The following HIP1 variants were observed in gnomAD, a reference collection of about 807,000 sequenced individuals.
The protein encoded by HIP1 is huntingtin-interacting protein 1.
Under a neutral mutation model 147.6 loss-of-function variants are expected in HIP1, and 65 were observed. That is an observed-to-expected ratio of 0.44 (90% CI 0.36 to 0.54). HIP1 has a LOEUF of 0.54. Ranked by LOEUF, HIP1 falls within the 20% of genes least tolerant of loss-of-function variation. HIP1 has a pLI of 0.00. For synonymous variants in HIP1, 479 were observed against 504.0 expected (o/e 0.95, Z 0.67); for missense variants, 1,061 against 1,299.6 (o/e 0.82, Z 2.82).
intron 1 of HIP1, among the ~76,000 whole-genome samples, chr7:75,684,235 T>G (rs1315502702): frequency 1.3e-5 from 2 of 151,622 alleles, no homozygotes; most frequent in African/African-American, 4.8e-5. Flanking sequence ...TCGCCGGAGC[T>G]TAGGAGTTTG....
intron 4 of HIP1, among the ~76,000 whole-genome samples, chr7:75,589,683 CAAAAAAAAAAA>C (rs1159535613): frequency 2.1e-3 from 102 of 49,630 alleles, no homozygotes; most frequent in East Asian, 3.6e-3. Flanking sequence ...ACTCTGTCTC[CAAAAAAAAAAA>C]AAAAAAAAAA....
Position 75,554,449 on chromosome 7 carries a change from A to C in HIP1, c.2041T>G (p.Cys681Gly), listed in dbSNP as rs1269169693. Residue 681 changes from cysteine to glycine, a missense_variant, in exon 20 of 31, where the codon TGC becomes GGC. Physicochemically the swap from Cys to Gly is radical, Grantham distance 159. Transcript: ENST00000336926. ...CCTTGGCCATTCTTACCTTCTGGGC[A>C]GGCCAGATACTGGCTCCAGCTTTTC... ...LEKSWSQYLA[C>G]PEDISGLLHS... 6 of 1,613,394 alleles carry C rather than the reference A, an allele frequency of 3.7e-6. No individual in the cohort carries two copies. Among genetic ancestry groups the C allele is most frequent in the Admixed American group, 1.7e-5 (1 of 59,994 alleles).
intron 28 of HIP1, among the ~76,000 whole-genome samples, 177 bp downstream of exon 28, chr7:75,542,674 G>C (rs1388688597): frequency 6.6e-6 from 1 of 152,068 alleles, no homozygotes; most frequent in Non-Finnish European, 1.5e-5. Flanking sequence ...ACTCCAGCCT[G>C]GGCGACAGAG....
At chr7:75,696,254 C>A (rs1056767372) in intron 1 of HIP1, among the ~76,000 whole-genome samples, 1 of 151,810 alleles carries the variant, frequency 6.6e-6, no homozygotes, top group Non-Finnish European at 1.5e-5. Flanking sequence ...TCCCAAAGTG[C>A]TGGGATTACA....
intron 7 of HIP1, among the ~76,000 whole-genome samples, chr7:75,576,269 G>A (rs1795843047): frequency 6.6e-6 from 1 of 152,206 alleles, no homozygotes; most frequent in Non-Finnish European, 1.5e-5. Flanking sequence ...GCATGGAATT[G>A]TGCAGTGGTT....
chr7:75,585,172 A>G (rs1160748154), intron 5 of HIP1, among the ~76,000 whole-genome samples: 1 of 123,088 alleles, frequency 8.1e-6, no homozygotes, highest in African/African-American at 3.2e-5. Context: ...TTCAATCTCT[A>G]CTCCCAAAAC....
intron 17 of HIP1, 115 bp from the exon 18 acceptor site, chr7:75,556,284 A>T: frequency 8.0e-7 from 1 of 1,243,704 alleles, no homozygotes; most frequent in African/African-American, 1.5e-5. Context: ...ATGGCTCTTT[A>T]ACCTGCCACT....
intron 24 of HIP1, among the ~76,000 whole-genome samples, 179 bp downstream of exon 24, chr7:75,547,576 T>A (rs1554491269): frequency 6.6e-6 from 1 of 152,068 alleles, no homozygotes; most frequent in Non-Finnish European, 1.5e-5. Context: ...TTCTTTTCTA[T>A]AGTGAAACAG....
At chr7:75,604,259 A>C (rs1554503494) in intron 1 of HIP1, among the ~76,000 whole-genome samples, 2 of 152,152 alleles carry the variant, frequency 1.3e-5, no homozygotes, top group Non-Finnish European at 2.9e-5. Flanking sequence ...AAACACATAG[A>C]AGGACAAGAA....
At position 75,624,206 on chromosome 7, in the gene HIP1, G is replaced by A. The variant is rs140401769; in HGVS notation, c.121-24959C>T. On this transcript the variant is annotated intron_variant, in intron 1 of 30. Transcript: ENST00000336926. ...AGGCCACGGAATCAGGCAGGCAGAG[G>A]CGCTGATGGATACTCCCTGCTCTGG... Among the ~76,000 whole-genome samples, 1,272 of 152,310 alleles carry A rather than the reference G, an allele frequency of 8.4e-3. 25 individuals carry two copies. Among genetic ancestry groups the A allele is most frequent in the African/African-American group, 0.03 (1,244 of 41,552 alleles).
chr7:75,556,240 A>G, intron 17 of HIP1, 71 bp from the exon 18 acceptor site: 1 of 1,552,098 alleles, frequency 6.4e-7, no homozygotes, highest in South Asian at 1.2e-5. Flanking sequence ...CCAGAGGTCC[A>G]ACCCACCACC....
intron 1 of HIP1, among the ~76,000 whole-genome samples, chr7:75,662,341 G>A (rs1364289294): frequency 1.3e-5 from 2 of 151,816 alleles, no homozygotes; most frequent in Non-Finnish European, 2.9e-5. Context: ...GCACCACCAC[G>A]CCCAGCTATT....
At chr7:75,637,842 G>C (rs1211899387) in intron 1 of HIP1, among the ~76,000 whole-genome samples, 3 of 151,890 alleles carry the variant, frequency 2.0e-5, no homozygotes, top group African/African-American at 7.3e-5. Context: ...GAGTGCCAAA[G>C]GCCAGGGCCG....
intron 1 of HIP1, among the ~76,000 whole-genome samples, chr7:75,607,386 G>GCA (rs1797268407): frequency 6.6e-6 from 1 of 151,360 alleles, no homozygotes; most frequent in Non-Finnish European, 1.5e-5. Flanking sequence ...ACACCACCAA[G>GCA]CCCGGCTAAT....
intron 1 of HIP1, among the ~76,000 whole-genome samples, chr7:75,701,061 G>A (rs1800815472): frequency 6.6e-6 from 1 of 152,164 alleles, no homozygotes; most frequent in South Asian, 2.1e-4. Context: ...TAGCCTCTCC[G>A]GATGGGATGA....
intron 1 of HIP1, among the ~76,000 whole-genome samples, chr7:75,721,448 G>A (rs1801501780): frequency 6.6e-6 from 1 of 151,824 alleles, no homozygotes; most frequent in Admixed American, 6.6e-5. Context: ...AGGATGGCTT[G>A]AGCCCAGAAG....
Position 75,535,611 on chromosome 7 carries a change from T to C in HIP1, c.*2561A>G, listed in dbSNP as rs1319494499. 5.5e-6 allele frequency: 1 copy of C among 183,448 alleles called. No homozygotes were observed. The highest frequency in any genetic ancestry group is 1.2e-5 in the Non-Finnish European group (1 of 86,220). 11.4% of individuals were successfully genotyped at this position (183,448 alleles called of 1,614,324 possible). A position where few individuals can be genotyped will look rare whatever the true frequency, so the allele number is the denominator to read the frequency against. On this transcript the variant is annotated 3_prime_UTR_variant, in exon 31 of 31. Coordinates refer to ENST00000336926, the MANE Select transcript of HIP1 (RefSeq NM_005338.7). The stretch of plus-strand genomic sequence containing the variant: ...CTGAGCTCAAGCAATCATCCCGTCT[T>C]GGCCTCCCAAAGTTCTGGGATTACA...
At chr7:75,738,751 C>G (rs782614451) in intron 1 of HIP1, 50 bp downstream of exon 1, 81 of 1,576,442 alleles carry the variant, frequency 5.1e-5, no homozygotes, top group Middle Eastern at 1.7e-4. Flanking sequence ...CTCCCGGACA[C>G]CGCGTCCCTC....
intron 1 of HIP1, among the ~76,000 whole-genome samples, chr7:75,634,582 A>C (rs1036944405): frequency 2.0e-5 from 3 of 152,164 alleles, no homozygotes; most frequent in African/African-American, 4.8e-5. Flanking sequence ...GTGGCTAATC[A>C]CTTCTGCCCT....
Sources: allele counts gnomAD v4.1 joint callset (sites outside exome capture counted in the v4.1 genomes callset), GRCh38; gene constraint gnomAD v4.1.1; transcripts MANE v1.5; gene names NCBI Gene and HGNC (gene_info 2026-07-23, HGNC 2026-07-21).